The following IL16 variants were observed in gnomAD, a reference collection of about 807,000 sequenced individuals.
IL16 encodes the protein interleukin 16, also known as pro-interleukin-16.
In IL16, 67 loss-of-function variants were observed where a neutral mutation model predicts 110.1. The ratio of observed to expected loss-of-function variants is 0.61; its 90% CI spans 0.50 to 0.75. The LOEUF (loss-of-function observed/expected upper bound fraction) is 0.75. Ranked by LOEUF, IL16 falls within the 30% of genes least tolerant of loss-of-function variation. The pLI is 0.00. For missense variants in IL16, 1,545 were observed against 1,655.0 expected (o/e 0.93, Z 1.15); for synonymous variants, 689 against 662.9 (o/e 1.04, Z -0.61).
At chr15:81,241,634 C>A (rs1347428651) in intron 2 of IL16, among the ~76,000 whole-genome samples, 1 of 152,018 alleles carries the variant, frequency 6.6e-6, no homozygotes. Flanking sequence ...TTTAATTAAA[C>A]ATTTTATTTT....
chr15:81,286,966 A>C (rs1001971977), intron 10 of IL16, among the ~76,000 whole-genome samples: 2 of 152,174 alleles, frequency 1.3e-5, no homozygotes, highest in Non-Finnish European at 2.9e-5. Context: ...AAATCGTCAG[A>C]TCTTGTGAGA....
chr15:81,224,288 G>A (rs1437750376), intron 1 of IL16, among the ~76,000 whole-genome samples: 1 of 152,228 alleles, frequency 6.6e-6, no homozygotes, highest in Admixed American at 6.5e-5. Context: ...AATGGGCCAA[G>A]AGCATCCCAC....
rs777520199 is a variant in IL16 at position 81,313,349 on chromosome 15, G to GT, written c.*4552dup. The GT allele has an allele frequency of 2.5e-5, 39 of 1,582,334 alleles. No homozygotes were observed. The Admixed American group carries it at 7.0e-4, about 28-fold the overall frequency. On this transcript the variant is annotated 3_prime_UTR_variant, in exon 19 of 19. Coordinates refer to ENST00000683961, the MANE Select transcript of IL16 (RefSeq NM_172217.5). ...AGGAGTCCACCACGTTCTGTGGGAG[G>GT]TAACCGCTGAGGTCGGTATGGAAGA...
In IL16 at chr15:81,311,549, A is replaced by T. The variant is rs893372624; in HGVS notation, c.*2751A>T. ...CAGGCACAGTATGTCCCATAGGCCC[A>T]GTGAGATGCATTCTTGGTTGGCTGG... On this transcript the variant is annotated 3_prime_UTR_variant, in exon 19 of 19. Coordinates refer to ENST00000683961, the MANE Select transcript of IL16 (RefSeq NM_172217.5). 2.0e-5 allele frequency: 3 copies of T among 152,294 alleles called. No homozygotes were observed. Among genetic ancestry groups the T allele is most frequent in the East Asian group, 1.9e-4 (1 of 5,200 alleles). The allele number at this position is 152,294 out of a possible 1,614,324, so 9.4% of individuals were successfully genotyped here.
chr15:81,284,339 A>T (rs556629624), intron 9 of IL16, among the ~76,000 whole-genome samples: 21 of 152,334 alleles, frequency 1.4e-4, no homozygotes, highest in African/African-American at 5.1e-4. Context: ...ATCCCTGCTT[A>T]TGATGCTGTC....
intron 16 of IL16, among the ~76,000 whole-genome samples, chr15:81,304,442 C>T (rs538604465): frequency 1.3e-5 from 2 of 152,318 alleles, no homozygotes; most frequent in Admixed American, 6.5e-5. Context: ...ACACTGCAGA[C>T]AACAGGAAAC....
At chr15:81,220,885 A>G (rs993789827) in intron 1 of IL16, among the ~76,000 whole-genome samples, 1 of 152,178 alleles carries the variant, frequency 6.6e-6, no homozygotes, top group Non-Finnish European at 1.5e-5. Context: ...CATATTCTGC[A>G]AGTTTTTTGA....
intron 1 of IL16, among the ~76,000 whole-genome samples, chr15:81,202,838 C>A (rs559707481): frequency 6.4e-4 from 98 of 152,154 alleles, no homozygotes; most frequent in African/African-American, 2.2e-3. Flanking sequence ...GGGTATATAC[C>A]CAGTAATGGG....
chr15:81,244,657 T>A (rs1390002850), intron 2 of IL16, among the ~76,000 whole-genome samples: 1 of 152,146 alleles, frequency 6.6e-6, no homozygotes, highest in Non-Finnish European at 1.5e-5. Flanking sequence ...AATGGGCTTT[T>A]ATGTATGTTT....
intron 1 of IL16, among the ~76,000 whole-genome samples, chr15:81,190,419 CT>C (rs1286634733): frequency 1.3e-5 from 2 of 152,204 alleles, no homozygotes; most frequent in African/African-American, 4.8e-5. Flanking sequence ...ACTTACTCAG[CT>C]TTTGTTACAA....
At chr15:81,287,977 C>T (rs79837744) in intron 10 of IL16, among the ~76,000 whole-genome samples, 10,992 of 152,240 alleles carry the variant, frequency 0.072, 531 homozygotes, top group East Asian at 0.16. Flanking sequence ...TGGAGTAGGG[C>T]GTCAGGTTGT....
Position 81,299,409 on chromosome 15 carries a change from C to G in IL16, c.2083C>G (p.Leu695Val), listed in dbSNP as rs750305136. ...CCAAACATCCCCGATAAAACACCCA[C>G]TGCTTAAGAGGCAGGCTCGGATGGA... ...VTQTSPIKHPLLKRQARMDYS... is the reference protein window; with the variant it reads ...VTQTSPIKHPVLKRQARMDYS... Residue 695 changes from leucine to valine, a missense_variant, in exon 14 of 19, where the codon CTG (leucine) becomes GTG (valine). This residue lies in a region of IL16 where 1,185 missense variants were observed against 1,238.8 expected (regional missense o/e 0.96). Coordinates refer to ENST00000683961, the MANE Select transcript of IL16 (RefSeq NM_172217.5). 10 of 1,613,822 alleles carry G rather than the reference C, an allele frequency of 6.2e-6. No homozygotes were observed. In the South Asian group the frequency reaches 8.8e-5, roughly 14 times the overall value.
At chr15:81,305,769 C>T (rs17875532) in intron 16 of IL16, 139 bp from the exon 17 acceptor site, 87,310 of 1,043,798 alleles carry the variant, frequency 0.084, 4,567 homozygotes, top group African/African-American at 0.2. Flanking sequence ...CCAGCAGCTC[C>T]AATCTAGGAC....
At chr15:81,242,474 A>T (rs1306736897) in intron 2 of IL16, among the ~76,000 whole-genome samples, 1 of 152,166 alleles carries the variant, frequency 6.6e-6, no homozygotes, top group East Asian at 1.9e-4. Flanking sequence ...ATTTATGCCT[A>T]AGTATTTTGC....
chr15:81,225,200 C>T (rs769103010), intron 1 of IL16, 99 bp from the exon 2 acceptor site: 21 of 956,972 alleles, frequency 2.2e-5, no homozygotes, highest in African/African-American at 1.2e-4. Flanking sequence ...TCCTGCTTCA[C>T]GGGCACCAAG....
In IL16 at chr15:81,300,358, G is replaced by A. The variant is rs1034231395; in HGVS notation, c.3032G>A (p.Cys1011Tyr). Residue 1011 changes from cysteine (C) to tyrosine (Y), a missense_variant, in exon 14 of 19, where the codon TGT becomes TAT. Cys to Tyr is a radical substitution (Grantham distance 194). This residue lies in a region of IL16 where 356 missense variants were observed against 399.3 expected (regional missense o/e 0.89). Transcript: ENST00000683961. Reference sequence around the variant, plus strand: ...CTGTGCCTTCCATCTTCTATCTCCTGTGCCCAGACTCCCTGCATCCCCAAG... The same window carrying A: ...CTGTGCCTTCCATCTTCTATCTCCTATGCCCAGACTCCCTGCATCCCCAAG... ...SLLCLPSSIS[C>Y]AQTPCIPKEG... 3.1e-6 allele frequency: 5 copies of A among 1,613,984 alleles called. No individual in the cohort carries two copies. The highest frequency in any genetic ancestry group is 4.2e-6 in the Non-Finnish European group (5 of 1,180,038).
intron 1 of IL16, among the ~76,000 whole-genome samples, chr15:81,224,627 G>A (rs1896727206): frequency 6.6e-6 from 1 of 152,240 alleles, no homozygotes; most frequent in Admixed American, 6.5e-5. Context: ...CCCTTTGGCA[G>A]GCACTTGCCA....
At chr15:81,232,047 T>A (rs903738990) in intron 2 of IL16, among the ~76,000 whole-genome samples, 2 of 118,986 alleles carry the variant, frequency 1.7e-5, no homozygotes, top group African/African-American at 5.8e-5. Context: ...TTCTTGTTTT[T>A]TTTTTTTTTT....
intron 2 of IL16, among the ~76,000 whole-genome samples, chr15:81,251,023 A>G (rs1289136429): frequency 2.6e-5 from 4 of 152,184 alleles, no homozygotes; most frequent in African/African-American, 9.6e-5. Context: ...AAATTATCTC[A>G]GAGCAACCTC....
Sources: gnomAD v4.1 joint callset for allele counts (sites outside exome capture counted in the v4.1 genomes callset) on GRCh38, gnomAD v4.1.1 for gene constraint, gnomAD v4.1.1 regional missense constraint, MANE v1.5 for transcripts, NCBI Gene and HGNC (gene_info 2026-07-23, HGNC 2026-07-21) for gene names.